Variants in TGS1 observed in about 807,000 individuals in gnomAD.
The protein encoded by TGS1 is trimethylguanosine synthase.
In TGS1, 69 loss-of-function variants were observed where a neutral mutation model predicts 92.2. The ratio of observed to expected loss-of-function variants is 0.75; its 90% CI spans 0.62 to 0.91. The LOEUF (loss-of-function observed/expected upper bound fraction) is 0.91, where lower values mean the gene tolerates loss of function less well. TGS1 is among the 40% of genes least tolerant of loss of function. The pLI is 0.00. For missense variants in TGS1, 1,062 were observed against 1,001.2 expected (o/e 1.06, Z -0.82); for synonymous variants, 345 against 338.1 (o/e 1.02, Z -0.22).
intron 1 of TGS1, among the ~76,000 whole-genome samples, chr8:55,775,725 C>A (rs545437220): frequency 1.3e-5 from 2 of 150,914 alleles, no homozygotes; most frequent in Non-Finnish European, 2.9e-5. Context: ...TGATTTGGAG[C>A]GCTGGAGAAG....
At chr8:55,820,382 T>C (rs560138279) in intron 12 of TGS1, among the ~76,000 whole-genome samples, 52 of 152,170 alleles carry the variant, frequency 3.4e-4, no homozygotes, top group African/African-American at 1.2e-3. Flanking sequence ...ACCCTGTCTC[T>C]ACTAAAAATA....
At chr8:55,807,070 A>G (rs1217568747) in intron 10 of TGS1, among the ~76,000 whole-genome samples, 2 of 151,654 alleles carry the variant, frequency 1.3e-5, no homozygotes, top group African/African-American at 4.8e-5. Context: ...CTGGGACTAC[A>G]GGCGCCCACC....
intron 2 of TGS1, among the ~76,000 whole-genome samples, chr8:55,783,750 G>A (rs191770287): frequency 3.3e-5 from 5 of 152,224 alleles, no homozygotes; most frequent in East Asian, 1.9e-4. Context: ...AGTTACCTTC[G>A]GAAACCCTTT....
chr8:55,775,962 G>A (rs75407219), intron 1 of TGS1, among the ~76,000 whole-genome samples: 2,038 of 152,202 alleles, frequency 0.013, 40 homozygotes, highest in African/African-American at 0.047. Flanking sequence ...GCAAAATGAG[G>A]ACTAAAAGTA....
At chr8:55,777,578 C>T (rs1238113390) in intron 1 of TGS1, among the ~76,000 whole-genome samples, 2 of 151,718 alleles carry the variant, frequency 1.3e-5, no homozygotes, top group Non-Finnish European at 1.5e-5. Flanking sequence ...CTCACTCTGT[C>T]GCCCAGGCTG....
Position 55,813,075 on chromosome 8 carries a change from A to G in TGS1, c.2396A>G (p.Asn799Ser). 15 of 1,611,182 alleles carry G rather than the reference A, an allele frequency of 9.3e-6. No individual in the cohort carries two copies. Among genetic ancestry groups the G allele is most frequent in the African/African-American group, 1.3e-5 (1 of 74,970 alleles). ...TTCAGACTTTCTAAGAAGATCACTAATAATATTGTTTATTTTCTTCCAAGA... is the reference window on the plus strand; with the variant it reads ...TTCAGACTTTCTAAGAAGATCACTAGTAATATTGTTTATTTTCTTCCAAGA... ...EIFRLSKKITNNIVYFLPRNA... is the reference protein window; with the variant it reads ...EIFRLSKKITSNIVYFLPRNA... Residue 799 changes from asparagine to serine, a missense_variant, in exon 12 of 13, where the codon AAT (asparagine) becomes AGT (serine). Coordinates refer to ENST00000260129, the MANE Select transcript of TGS1 (RefSeq NM_024831.8).
At chr8:55,816,675 T>TC (rs1406901109) in intron 12 of TGS1, among the ~76,000 whole-genome samples, 1 of 152,162 alleles carries the variant, frequency 6.6e-6, no homozygotes, top group Non-Finnish European at 1.5e-5. Context: ...CTGGCCTTTG[T>TC]CTGGCAGACA....
In TGS1 at chr8:55,806,184, C is replaced by T. The variant is rs186158617; in HGVS notation, c.2143+1148C>T. ...CAGCCTGACCAACATGGAGAGACCC[C>T]GTCTCTCCTAAAAATACAAAAATTA... On this transcript the variant is annotated intron_variant, in intron 10 of 12. Coordinates refer to ENST00000260129, the MANE Select transcript of TGS1 (RefSeq NM_024831.8). 1.2e-3 allele frequency among the ~76,000 whole-genome samples: 178 copies of T among 148,766 alleles called. 1 individual carries two copies. The highest frequency in any genetic ancestry group is 1.9e-3 in the Non-Finnish European group (129 of 67,344).
chr8:55,779,776 T>C (rs1365885299), intron 1 of TGS1, among the ~76,000 whole-genome samples: 1 of 152,214 alleles, frequency 6.6e-6, no homozygotes, highest in Admixed American at 6.5e-5. Context: ...TAAAACACTA[T>C]TTAATGACCA....
At chr8:55,803,680 A>C (rs572252830) in intron 9 of TGS1, among the ~76,000 whole-genome samples, 17 of 148,304 alleles carry the variant, frequency 1.1e-4, no homozygotes, top group Non-Finnish European at 2.1e-4. Context: ...TTTTCTTTTT[A>C]TTTTTTCTTT....
At chr8:55,795,538 G>A (rs572556348) in intron 6 of TGS1, among the ~76,000 whole-genome samples, 1 of 152,138 alleles carries the variant, frequency 6.6e-6, no homozygotes, top group Non-Finnish European at 1.5e-5. Context: ...GATACGAAGG[G>A]TTCGCTTCTT....
intron 2 of TGS1, among the ~76,000 whole-genome samples, 168 bp from the exon 3 acceptor site, chr8:55,785,551 C>T (rs772820745): frequency 1.3e-5 from 2 of 152,026 alleles, no homozygotes; most frequent in Non-Finnish European, 2.9e-5. Context: ...ATACTCCAAC[C>T]TGGGCAGTGT....
intron 2 of TGS1, among the ~76,000 whole-genome samples, chr8:55,785,072 G>GTT (rs377675279): frequency 7.3e-6 from 1 of 137,432 alleles, no homozygotes; most frequent in African/African-American, 3.1e-5. Context: ...TTTGTTTTTT[G>GTT]TTTTTTTTTT....
At chr8:55,790,045 G>C in intron 4 of TGS1, 137 bp from the exon 5 acceptor site, 1 of 649,828 alleles carries the variant, frequency 1.5e-6, no homozygotes, top group Non-Finnish European at 2.8e-6. Flanking sequence ...CAAACAGGTA[G>C]ATGTGAGCTG....
At position 55,798,988 on chromosome 8, in the gene TGS1, T is replaced by G. The variant is rs767662124; in HGVS notation, c.1617T>G (p.Asn539Lys). 6.2e-7 allele frequency: 1 copy of G among 1,614,022 alleles called. No individual in the cohort carries two copies. Among genetic ancestry groups the G allele is most frequent in the South Asian group, 1.1e-5 (1 of 91,070 alleles). The change falls in exon 8 of 13, where the codon AAT becomes AAG. Residue 539 changes from asparagine (N) to lysine (K), a missense_variant. Coordinates refer to ENST00000260129, the MANE Select transcript of TGS1 (RefSeq NM_024831.8). ...CACAGGAATCATCTTCTCATGACAA[T>G]GTGCACGACGCTTCCACAAGTAGTG... Reference protein sequence around the residue: ...EASQESSSHDNVHDASTSSDS... With the variant: ...EASQESSSHDKVHDASTSSDS...
chr8:55,823,950 TA>T (rs34670939), intron 12 of TGS1, among the ~76,000 whole-genome samples: 125,994 of 151,824 alleles, frequency 0.83, 52,613 homozygotes, highest in African/African-American at 0.93. Flanking sequence ...CCATTTCTAC[TA>T]AAAAAAATAC....
chr8:55,819,211 C>T (rs1255718188), intron 12 of TGS1, among the ~76,000 whole-genome samples: 3 of 151,512 alleles, frequency 2.0e-5, no homozygotes, highest in African/African-American at 4.8e-5. Flanking sequence ...TCTGGGATTA[C>T]GGGCATGAGC....
chr8:55,809,684 C>T (rs915084738), intron 10 of TGS1, among the ~76,000 whole-genome samples: 1 of 152,170 alleles, frequency 6.6e-6, no homozygotes, highest in Non-Finnish European at 1.5e-5. Flanking sequence ...GTCCACCCGC[C>T]TCAGCCTCCC....
intron 12 of TGS1, among the ~76,000 whole-genome samples, chr8:55,818,877 C>T (rs1803556614): frequency 6.6e-6 from 1 of 152,194 alleles, no homozygotes; most frequent in African/African-American, 2.4e-5. Flanking sequence ...CTTCATGTTT[C>T]CAGTATCTGG....
Sources: gnomAD v4.1 joint callset for allele counts (sites outside exome capture counted in the v4.1 genomes callset) on GRCh38, gnomAD v4.1.1 for gene constraint, MANE v1.5 for transcripts, NCBI Gene and HGNC (gene_info 2026-07-23, HGNC 2026-07-21) for gene names.